Variants in SRC observed in about 807,000 individuals in gnomAD.
SRC encodes the protein proto-oncogene tyrosine-protein kinase Src.
In SRC, 13 loss-of-function variants were observed where a neutral mutation model predicts 62.9. The ratio of observed to expected loss-of-function variants is 0.21; its 90% CI spans 0.13 to 0.33. SRC has a LOEUF of 0.33. SRC is among the 10% of genes least tolerant of loss of function. The probability of loss-of-function intolerance (pLI) is 1.00; values close to 1 mark genes in which losing one functional copy is unlikely to be tolerated. For missense variants in SRC, 457 were observed against 737.3 expected, an observed-to-expected ratio of 0.62 and a Z score of 4.40; for synonymous variants, 302 against 317.5, an observed-to-expected ratio of 0.95 and a Z score of 0.52.
intron 3 of SRC, among the ~76,000 whole-genome samples, chr20:37,383,898 A>T (rs1396752432): frequency 1.4e-5 from 2 of 139,770 alleles, no homozygotes; most frequent in Middle Eastern, 3.6e-3. Context: ...TGCCCGGCTA[A>T]TTTTTTTTTT....
chr20:37,364,572 G>A (rs2070033477), intron 1 of SRC, among the ~76,000 whole-genome samples: 1 of 152,134 alleles, frequency 6.6e-6, no homozygotes, highest in Non-Finnish European at 1.5e-5. Context: ...AGCTGAGAGA[G>A]GCTATGTTCA....
intron 5 of SRC, among the ~76,000 whole-genome samples, chr20:37,386,874 C>T (rs1308958240): frequency 1.3e-5 from 2 of 152,264 alleles, no homozygotes; most frequent in Non-Finnish European, 2.9e-5. Flanking sequence ...GGCCCCAGCC[C>T]AGGCCAAGAG....
In SRC at chr20:37,393,761, C is replaced by T. The variant is rs1231217831; in HGVS notation, c.351-134C>T. ...GGACCTGGCATGCTGTGGGGACTCA[C>T]GCTGGCCCCACCACCTCCCTGGGCC... On this transcript the variant is annotated intron_variant, in intron 5 of 13. Coordinates refer to ENST00000373578, the MANE Select transcript of SRC (RefSeq NM_198291.3). The T allele has an allele frequency of 1.0e-4, 67 of 645,454 alleles. 1 individual carries two copies. The Admixed American group carries it at 1.5e-3, about 14-fold the overall frequency. The allele number at this position is 645,454 out of a possible 1,614,324, so 40.0% of individuals were successfully genotyped here. A position where few individuals can be genotyped will look rare whatever the true frequency, so the allele number is the denominator to read the frequency against.
intron 2 of SRC, among the ~76,000 whole-genome samples, chr20:37,373,147 T>G (rs572666670): frequency 7.7e-6 from 1 of 129,870 alleles, no homozygotes; most frequent in Non-Finnish European, 1.6e-5. Flanking sequence ...CATATGTACA[T>G]ATACACACAT....
intron 1 of SRC, among the ~76,000 whole-genome samples, chr20:37,356,202 G>C (rs2069879474): frequency 6.6e-6 from 1 of 152,162 alleles, no homozygotes; most frequent in Non-Finnish European, 1.5e-5. Context: ...AGGGACCTCT[G>C]AGGGGAGATA....
chr20:37,378,967 CTG>C (rs750614219), intron 2 of SRC, among the ~76,000 whole-genome samples: 1 of 118,620 alleles, frequency 8.4e-6, no homozygotes, highest in Non-Finnish European at 1.6e-5. Context: ...TGGAGAATGA[CTG>C]GGGTGGGATG....
At position 37,399,941 on chromosome 20, in the gene SRC, C is replaced by T. The variant is rs184153104; in HGVS notation, c.860-174C>T. 1.1e-4 allele frequency among the ~76,000 whole-genome samples: 16 copies of T among 152,324 alleles called. 1 individual carries two copies. In the East Asian group the frequency reaches 1.9e-3, roughly 18 times the overall value. ...CCATGAGGAGCACCCTGTCATTGTA[C>T]CCATTGTACAGATGGGGAGACTGAG... is the stretch of plus-strand genomic sequence containing the variant. On this transcript the variant is annotated intron_variant, in intron 9 of 13. Transcript: ENST00000373578.
At chr20:37,387,682 G>A (rs1238956326) in intron 5 of SRC, among the ~76,000 whole-genome samples, 1 of 152,238 alleles carries the variant, frequency 6.6e-6, no homozygotes, top group East Asian at 1.9e-4. Context: ...GGGAGCTGCT[G>A]GAGGGTGGCT....
chr20:37,360,218 C>CTTTTTTTTTTTTTTTTTTTTTTTTTTTTT (rs61476973), intron 1 of SRC, among the ~76,000 whole-genome samples: 1 of 105,630 alleles, frequency 9.5e-6, no homozygotes, highest in African/African-American at 4.8e-5. Context: ...CTCTCTCTCT[C>CTTTTTTTTTTTTTTTTTTTTTTTTTTTTT]TTTTTTTTTT....
intron 1 of SRC, among the ~76,000 whole-genome samples, chr20:37,363,629 G>A (rs1356269134): frequency 6.6e-6 from 1 of 152,184 alleles, no homozygotes; most frequent in Non-Finnish European, 1.5e-5. Flanking sequence ...AACCCCGGGC[G>A]GGAGGATGTG....
Position 37,384,543 on chromosome 20 carries a change from C to T in SRC, c.250+140C>T. 1.2e-5 allele frequency: 2 copies of T among 164,474 alleles called. No homozygotes were observed. Among genetic ancestry groups the T allele is most frequent in the Admixed American group, 1.5e-4 (1 of 6,798 alleles). 10.2% of individuals were successfully genotyped at this position (164,474 alleles called of 1,614,324 possible). ...AGCGCCCCTGGGTGACTTGGGTGTCCGGGGGGTGGGGGGGCGGCCGTACAC... is the reference window on the plus strand; with the variant it reads ...AGCGCCCCTGGGTGACTTGGGTGTCTGGGGGGTGGGGGGGCGGCCGTACAC... On this transcript the variant is annotated intron_variant, in intron 4 of 13. Transcript: ENST00000373578. This position sits in a 1 kb window ranked among gnomAD's most constrained non-coding sequence, Gnocchi z 6.7.
At chr20:37,391,785 T>G in intron 5 of SRC, among the ~76,000 whole-genome samples, 1 of 151,568 alleles carries the variant, frequency 6.6e-6, no homozygotes, top group East Asian at 1.9e-4. Flanking sequence ...ACCTGGGAGG[T>G]GAAGTTTGCA....
In SRC at chr20:37,396,018, T is replaced by A. The variant is rs2070639705; in HGVS notation, c.554-144T>A. The A allele has an allele frequency of 8.5e-7, 1 of 1,169,728 alleles. No homozygotes were observed. Among genetic ancestry groups the A allele is most frequent in the African/African-American group, 1.5e-5 (1 of 65,156 alleles). The allele number at this position is 1,169,728 out of a possible 1,614,324, so 72.5% of individuals were successfully genotyped here. On this transcript the variant is annotated intron_variant, in intron 7 of 13. Coordinates refer to ENST00000373578, the MANE Select transcript of SRC (RefSeq NM_198291.3). This position sits in a 1 kb window ranked among gnomAD's most constrained non-coding sequence, Gnocchi z 6.1. ...CCTGCCTCTGTGGCTGCCCCGGGGC[T>A]GGCTGTTGAGAGACAGGGTGGGCCT...
intron 2 of SRC, among the ~76,000 whole-genome samples, chr20:37,368,551 T>G (rs2070109057): frequency 7.5e-6 from 1 of 133,628 alleles, no homozygotes; most frequent in East Asian, 2.2e-4. Flanking sequence ...TTTGTTTTTT[T>G]TTTTTTTGTT....
chr20:37,381,108 C>G (rs2070359990), intron 2 of SRC, among the ~76,000 whole-genome samples: 1 of 152,284 alleles, frequency 6.6e-6, no homozygotes, highest in African/African-American at 2.4e-5. Context: ...CTCTTAACCT[C>G]AACCGTCTGC....
intron 5 of SRC, among the ~76,000 whole-genome samples, chr20:37,387,303 AG>A (rs755021037): frequency 1.3e-5 from 2 of 152,128 alleles, no homozygotes; most frequent in African/African-American, 2.4e-5. Flanking sequence ...GCCTTCTCAG[AG>A]GGGCAAAGGG....
chr20:37,373,223 C>CGTAT (rs2070207464), intron 2 of SRC, among the ~76,000 whole-genome samples: 5 of 151,170 alleles, frequency 3.3e-5, no homozygotes, highest in African/African-American at 1.2e-4. Flanking sequence ...CATGTACATA[C>CGTAT]GTACACACAT....
chr20:37,365,612 G>GTCT, intron 2 of SRC, among the ~76,000 whole-genome samples: 1 of 151,900 alleles, frequency 6.6e-6, no homozygotes, highest in Non-Finnish European at 1.5e-5. Context: ...CTTAGACAGG[G>GTCT]TCTTACTCTG....
intron 2 of SRC, 47 bp downstream of exon 2, chr20:37,365,324 A>G (rs1480994437): frequency 1.3e-4 from 1 of 7,738 alleles, no homozygotes; most frequent in Non-Finnish European, 4.6e-4. Context: ...ACATCAACAC[A>G]CACACACACA....
Sources: gnomAD v4.1 joint callset for allele counts (sites outside exome capture counted in the v4.1 genomes callset) on GRCh38, gnomAD v4.1.1 for gene constraint, Gnocchi (gnomAD v3.1) non-coding constraint, MANE v1.5 for transcripts, NCBI Gene and HGNC (gene_info 2026-07-23, HGNC 2026-07-21) for gene names.